Variants in CFAP43 observed in about 807,000 individuals in gnomAD.
CFAP43 encodes cilia and flagella associated protein 43, also known as cilia- and flagella-associated protein 43.
CFAP43 carries 155 observed loss-of-function variants against 218.9 expected under a neutral mutation model. The ratio of observed to expected loss-of-function variants is 0.71; its 90% CI spans 0.62 to 0.81. CFAP43 has a LOEUF of 0.81. Ranked by LOEUF, CFAP43 falls within the 30% of genes least tolerant of loss-of-function variation. CFAP43 has a pLI of 0.00. For missense variants in CFAP43, 1,778 were observed against 1,954.3 expected, an observed-to-expected ratio of 0.91 and a Z score of 1.70; for synonymous variants, 645 against 681.3, an observed-to-expected ratio of 0.95 and a Z score of 0.83.
chr10:104,146,258 C>T lies in CFAP43; in HGVS notation c.3855+5G>A. 6.2e-7 allele frequency: 1 copy of T among 1,612,276 alleles called. No homozygotes were observed. The highest frequency in any genetic ancestry group is 8.5e-7 in the Non-Finnish European group (1 of 1,178,472). On this transcript the variant is annotated splice_donor_5th_base_variant and intron_variant, in intron 30 of 37. Transcript: ENST00000357060. ...TTGTTGAGTGGGTAAGACAACAACT[C>T]TCACTTTGTCTTCTGCCAGTAAGTT... is the stretch of plus-strand genomic sequence containing the variant.
intron 18 of CFAP43, 103 bp from the exon 19 acceptor site, chr10:104,179,209 T>C: frequency 2.1e-6 from 2 of 942,558 alleles, no homozygotes; most frequent in Non-Finnish European, 3.2e-6. Flanking sequence ...AAACTAAAAT[T>C]TGTAAAGACT....
At chr10:104,195,291 G>C (rs1421279300) in intron 10 of CFAP43, among the ~76,000 whole-genome samples, 2 of 152,158 alleles carry the variant, frequency 1.3e-5, no homozygotes, top group African/African-American at 4.8e-5. Context: ...CCTTGCCCAA[G>C]AGGAACAAGG....
At position 104,203,727 on chromosome 10, in the gene CFAP43, A is replaced by G. The variant is rs147356105; in HGVS notation, c.1040T>C (p.Val347Ala). ...ATTGGGAGAAAATGTCATATGTTCT[A>G]CAGGTCTTTCAATCTCAAGAAAATC... Reference protein sequence around the residue: ...IEDFLEIERPVEHMTFSPNYT... With the variant: ...IEDFLEIERPAEHMTFSPNYT... Residue 347 changes from valine (V) to alanine (A), a missense_variant, in exon 8 of 38, where the codon GTA becomes GCA. Around this residue, in one of 3 missense-constraint regions of CFAP43, gnomAD observed 1,553 missense variants for 1,685.2 expected, o/e 0.92. Transcript: ENST00000357060. The G allele has an allele frequency of 2.5e-4, 395 of 1,611,596 alleles. No individual in the cohort carries two copies. Among genetic ancestry groups the G allele is most frequent in the Non-Finnish European group, 3.2e-4 (375 of 1,178,940 alleles).
chr10:104,214,102 T>C (rs1303729331), intron 4 of CFAP43, among the ~76,000 whole-genome samples, 157 bp downstream of exon 4: 1 of 152,224 alleles, frequency 6.6e-6, no homozygotes. Context: ...TGTAGAAAGA[T>C]GTTATAACAA....
intron 33 of CFAP43, among the ~76,000 whole-genome samples, chr10:104,141,570 C>T (rs899397727): frequency 6.6e-6 from 1 of 152,120 alleles, no homozygotes; most frequent in African/African-American, 2.4e-5. Flanking sequence ...CAGATCGTGC[C>T]ACTGCACTCC....
At chr10:104,214,947 C>G (rs1348541621) in intron 3 of CFAP43, among the ~76,000 whole-genome samples, 3 of 151,928 alleles carry the variant, frequency 2.0e-5, no homozygotes, top group Non-Finnish European at 4.4e-5. Context: ...ACCAGCCTGG[C>G]CAATATGGTG....
At chr10:104,207,611 A>G in intron 6 of CFAP43, 54 bp downstream of exon 6, 1 of 1,518,660 alleles carries the variant, frequency 6.6e-7, no homozygotes, top group South Asian at 1.3e-5. Context: ...AGGGAAAACC[A>G]AAAAAACCAA....
At position 104,147,997 on chromosome 10, in the gene CFAP43, T is replaced by G; in HGVS notation, c.3662A>C (p.Glu1221Ala). 1.9e-6 allele frequency: 3 copies of G among 1,564,232 alleles called. No individual in the cohort carries two copies. The highest frequency in any genetic ancestry group is 2.6e-6 in the Non-Finnish European group (3 of 1,152,924). The change falls in exon 29 of 38, where the codon GAG (glutamate) becomes GCG (alanine). Residue 1221 changes from glutamate to alanine, a missense_variant and splice_region_variant. Transcript: ENST00000357060. Reference sequence around the variant, plus strand: ...TGCAAGGTTACTTATTTTCAGTTCCTCCTGTAGAAATATTTAAGAAAAAGG... The same window carrying G: ...TGCAAGGTTACTTATTTTCAGTTCCGCCTGTAGAAATATTTAAGAAAAAGG... Reference protein sequence around the residue: ...RVKAEMVTNQEELKISNLAFS... With the variant: ...RVKAEMVTNQAELKISNLAFS...
intron 25 of CFAP43, 70 bp downstream of exon 25, chr10:104,162,247 A>C: frequency 6.7e-7 from 1 of 1,490,378 alleles, no homozygotes. Context: ...TGGGTTATTA[A>C]ACCAAACTAG....
In CFAP43 at chr10:104,187,367, A is replaced by T. The variant is rs1350439794; in HGVS notation, c.1813T>A (p.Phe605Ile). ...CAGATGTATGGCACTTGACTACAGAAGCCATATATTTGGTTACTTTGAAAG... is the reference window on the plus strand; with the variant it reads ...CAGATGTATGGCACTTGACTACAGATGCCATATATTTGGTTACTTTGAAAG... ...LGFQSNQIYG[F>I]CSQVPYICSY... The change falls in exon 14 of 38, where the codon TTC becomes ATC. Residue 605 changes from phenylalanine to isoleucine, a missense_variant. Phe to Ile is a conservative substitution (Grantham distance 21). This residue lies in a region of CFAP43 where 1,553 missense variants were observed against 1,685.2 expected (regional missense o/e 0.92). Transcript: ENST00000357060. The T allele has an allele frequency of 6.2e-7, 1 of 1,611,782 alleles. No homozygotes were observed.
chr10:104,196,829 A>T, intron 10 of CFAP43, 24 bp downstream of exon 10: 1 of 1,554,762 alleles, frequency 6.4e-7, no homozygotes. Context: ...ATTTTTTTAA[A>T]ATCCATTTAT....
intron 5 of CFAP43, among the ~76,000 whole-genome samples, chr10:104,209,928 A>G (rs2090803295): frequency 6.6e-6 from 1 of 152,202 alleles, no homozygotes; most frequent in African/African-American, 2.4e-5. Context: ...ATAAAATGGC[A>G]TAGTATTTCC....
chr10:104,218,240 C>T (rs2091073162), intron 3 of CFAP43, among the ~76,000 whole-genome samples: 1 of 148,552 alleles, frequency 6.7e-6, no homozygotes, highest in Non-Finnish European at 1.5e-5. Context: ...CCCAGCTACT[C>T]GGGAGGCTGA....
Position 104,179,949 on chromosome 10 carries a change from A to G in CFAP43, c.2290-17T>C. On this transcript the variant is annotated splice_polypyrimidine_tract_variant and intron_variant, in intron 17 of 37. Coordinates refer to ENST00000357060, the MANE Select transcript of CFAP43 (RefSeq NM_025145.7). Reference sequence around the variant, plus strand: ...CTTCTGTTTCTGATACATGGTAGAAAAAGACAGACATGTCTTAAAGTTAAA... The same window carrying G: ...CTTCTGTTTCTGATACATGGTAGAAGAAGACAGACATGTCTTAAAGTTAAA... 2 of 1,596,456 alleles carry G rather than the reference A, an allele frequency of 1.3e-6. No individual in the cohort carries two copies. Among genetic ancestry groups the G allele is most frequent in the Non-Finnish European group, 8.6e-7 (1 of 1,165,916 alleles).
At chr10:104,190,496 C>G (rs534054065) in intron 12 of CFAP43, among the ~76,000 whole-genome samples, 2 of 152,212 alleles carry the variant, frequency 1.3e-5, no homozygotes. Context: ...GCCATCTCAT[C>G]AGCTACCATG....
At chr10:104,159,757 G>T (rs1278133241) in intron 27 of CFAP43, among the ~76,000 whole-genome samples, 1 of 152,128 alleles carries the variant, frequency 6.6e-6, no homozygotes, top group African/African-American at 2.4e-5. Flanking sequence ...ATGCGCAACG[G>T]GTGTGAAATG....
intron 15 of CFAP43, among the ~76,000 whole-genome samples, 191 bp downstream of exon 15, chr10:104,185,783 A>G (rs73333223): frequency 6.6e-6 from 1 of 152,356 alleles, no homozygotes; most frequent in African/African-American, 2.4e-5. Context: ...ATTATAAAAG[A>G]GTATTCTGTG....
At chr10:104,131,653 G>A (rs548198688) in intron 36 of CFAP43, among the ~76,000 whole-genome samples, 169 bp from the exon 37 acceptor site, 10 of 152,218 alleles carry the variant, frequency 6.6e-5, no homozygotes, top group African/African-American at 2.4e-4. Flanking sequence ...TTTGTTGAAA[G>A]GTAGAATGGT....
intron 11 of CFAP43, chr10:104,193,457 T>G (rs2090290214): frequency 6.4e-6 from 1 of 157,068 alleles, no homozygotes; most frequent in Non-Finnish European, 1.4e-5. Flanking sequence ...ATTGAGCAAG[T>G]TATTTAAAAT....
Sources: gnomAD v4.1 joint callset for allele counts (sites outside exome capture counted in the v4.1 genomes callset) on GRCh38, gnomAD v4.1.1 for gene constraint, gnomAD v4.1.1 regional missense constraint, MANE v1.5 for transcripts, NCBI Gene and HGNC (gene_info 2026-07-23, HGNC 2026-07-21) for gene names.